Variants in TBXAS1 observed in about 807,000 individuals in gnomAD.
TBXAS1 encodes thromboxane-A synthase.
TBXAS1 carries 48 observed loss-of-function variants against 60.7 expected under a neutral mutation model. The ratio of observed to expected loss-of-function variants is 0.79; its 90% CI spans 0.63 to 1.01. TBXAS1 has a LOEUF of 1.01. Ranked by LOEUF, TBXAS1 falls within the 50% of genes least tolerant of loss-of-function variation. The pLI, the probability that TBXAS1 is intolerant of heterozygous loss-of-function variation, is 0.00. For missense variants in TBXAS1, 685 were observed against 686.3 expected, an observed-to-expected ratio of 1.00 and a Z score of 0.02; for synonymous variants, 287 against 269.7, an observed-to-expected ratio of 1.06 and a Z score of -0.63.
At chr7:139,929,434 A>G (rs1029495255) in intron 4 of TBXAS1, among the ~76,000 whole-genome samples, 2 of 152,172 alleles carry the variant, frequency 1.3e-5, no homozygotes, top group African/African-American at 2.4e-5. Flanking sequence ...GTTTCGTGGG[A>G]AAAATGGCTA....
intron 3 of TBXAS1, among the ~76,000 whole-genome samples, chr7:139,784,143 G>A (rs1241768693): frequency 2.7e-5 from 4 of 148,772 alleles, no homozygotes; most frequent in Non-Finnish European, 4.4e-5. Context: ...CTGCCTGCCT[G>A]CCTGCCTTCC....
intron 4 of TBXAS1, among the ~76,000 whole-genome samples, chr7:139,915,233 T>C (rs183929879): frequency 3.5e-4 from 54 of 152,336 alleles, no homozygotes; most frequent in Non-Finnish European, 6.9e-4. Flanking sequence ...TCAAATTAAA[T>C]TGGGTTCTGT....
In TBXAS1 at chr7:139,875,602, A is replaced by G. The variant is rs762628361; in HGVS notation, c.201A>G (p.Gln67=). The part of the protein sequence containing the change: ...TFFRQGFWES[Q]MELRKLYGPL... ...TCCTTCAGGGTTTTTGGGAAAGCCAAATGGAGCTCAGAAAGCTGTATGGAC... is the reference window on the plus strand; with the variant it reads ...TCCTTCAGGGTTTTTGGGAAAGCCAGATGGAGCTCAGAAAGCTGTATGGAC... The change falls in exon 3 of 13, where the codon CAA becomes CAG. Residue 67 remains glutamine, a synonymous_variant. Transcript: ENST00000448866. 1.2e-6 allele frequency: 2 copies of G among 1,614,118 alleles called. No homozygotes were observed. Among genetic ancestry groups the G allele is most frequent in the African/African-American group, 2.7e-5 (2 of 74,934 alleles).
intron 9 of TBXAS1, among the ~76,000 whole-genome samples, chr7:139,971,186 T>C (rs1478939463): frequency 6.6e-6 from 1 of 152,060 alleles, no homozygotes; most frequent in Non-Finnish European, 1.5e-5. Flanking sequence ...ACCACTAATA[T>C]CAGGGCACTA....
chr7:139,978,775 CAAAA>C (rs35583867), intron 9 of TBXAS1, among the ~76,000 whole-genome samples: 2 of 90,990 alleles, frequency 2.2e-5, no homozygotes, highest in Non-Finnish European at 4.6e-5. Flanking sequence ...CCTGCCTCTA[CAAAA>C]AAAAAAAAAA....
intron 1 of TBXAS1, among the ~76,000 whole-genome samples, chr7:139,869,098 C>G (rs981342951): frequency 6.6e-6 from 1 of 152,162 alleles, no homozygotes; most frequent in Non-Finnish European, 1.5e-5. Flanking sequence ...CACACCCAGA[C>G]CACCAGAAAT....
chr7:139,778,638 G>A lies in TBXAS1; in HGVS notation c.-318+167G>A, dbSNP rs1796866034. Among the ~76,000 whole-genome samples, 1 of 152,118 alleles carries A rather than the reference G, an allele frequency of 6.6e-6. No individual in the cohort carries two copies. Among genetic ancestry groups the A allele is most frequent in the African/African-American group, 2.4e-5 (1 of 41,422 alleles). ...GGGTGGTCGCTGGGTTCCTGCCGGA[G>A]TCTGGCTTCCACGCCACCCTGATCT... On this transcript the variant is annotated intron_variant, in intron 1 of 16. Coordinates refer to the TBXAS1 transcript ENST00000336425. The surrounding 1 kb of genome is among the most constrained non-coding windows in gnomAD (Gnocchi z 4.8).
rs776126423 is a variant in TBXAS1, at chr7:139,951,950, AAAAGAAAG to A, written c.451-1362_451-1355del. On this transcript the variant is annotated intron_variant, in intron 5 of 12. Transcript: ENST00000448866. ...GAAAGAGAGAAAGAAGGAAAGAAAGAAAAGAAAGAAAGAAAGAAAGAAAGAAAGAAAGA... is the reference window on the plus strand; with the variant it reads ...GAAAGAGAGAAAGAAGGAAAGAAAGAAAAGAAAGAAAGAAAGAAAGAAAGA... 9.9e-3 allele frequency among the ~76,000 whole-genome samples: 414 copies of A among 41,958 alleles called. 11 individuals carry two copies. The highest frequency in any genetic ancestry group is 0.019 in the African/African-American group (204 of 11,012). The allele number at this position is 41,958 out of a possible 152,430, so 27.5% of individuals were successfully genotyped here.
chr7:139,803,413 A>T (rs1367818026), intron 4 of TBXAS1, among the ~76,000 whole-genome samples: 1 of 152,206 alleles, frequency 6.6e-6, no homozygotes, highest in Non-Finnish European at 1.5e-5. Flanking sequence ...GCAGAAAAGT[A>T]TTCAAGAGGA....
chr7:139,837,823 C>A (rs1799167824), intron 1 of TBXAS1, among the ~76,000 whole-genome samples: 1 of 151,926 alleles, frequency 6.6e-6, no homozygotes. Flanking sequence ...AATAAAAAAA[C>A]AAAAACAAAA....
intron 1 of TBXAS1, among the ~76,000 whole-genome samples, chr7:139,832,194 G>A (rs757334960): frequency 5.3e-5 from 8 of 152,130 alleles, no homozygotes; most frequent in Non-Finnish European, 8.8e-5. Context: ...GGGAAAGGGA[G>A]ACCCTCCTCT....
chr7:139,908,511 T>C (rs1261344447), intron 3 of TBXAS1, among the ~76,000 whole-genome samples: 1 of 152,200 alleles, frequency 6.6e-6, no homozygotes, highest in Non-Finnish European at 1.5e-5. Context: ...TTAGTTCTTG[T>C]GTAAATACAC....
At chr7:139,957,203 A>C (rs1487653311) in intron 7 of TBXAS1, among the ~76,000 whole-genome samples, 3 of 152,228 alleles carry the variant, frequency 2.0e-5, no homozygotes, top group Non-Finnish European at 2.9e-5. Flanking sequence ...ACAATTATCC[A>C]CTGGAAAGAA....
At chr7:140,018,656 T>C (rs1206063259) in intron 12 of TBXAS1, among the ~76,000 whole-genome samples, 1 of 151,988 alleles carries the variant, frequency 6.6e-6, no homozygotes, top group Non-Finnish European at 1.5e-5. Context: ...CCCTGCAGAG[T>C]AGGAGTGACT....
At chr7:139,876,703 G>A (rs1049784810) in intron 3 of TBXAS1, among the ~76,000 whole-genome samples, 1 of 152,156 alleles carries the variant, frequency 6.6e-6, no homozygotes, top group Non-Finnish European at 1.5e-5. Context: ...GGTTTGCTAC[G>A]TGGTCCTGAA....
chr7:139,912,500 T>C (rs1427320538), intron 4 of TBXAS1, among the ~76,000 whole-genome samples: 1 of 152,198 alleles, frequency 6.6e-6, no homozygotes, highest in Non-Finnish European at 1.5e-5. Context: ...GTATTCATTC[T>C]TTTGTTGATT....
At chr7:139,782,198 A>C (rs1797023543) in intron 2 of TBXAS1, among the ~76,000 whole-genome samples, 1 of 142,806 alleles carries the variant, frequency 7.0e-6, no homozygotes, top group Non-Finnish European at 1.5e-5. Flanking sequence ...TCATTTAAAA[A>C]AATCACTTTT....
chr7:139,867,690 G>A (rs963351234), intron 1 of TBXAS1, among the ~76,000 whole-genome samples: 11 of 152,106 alleles, frequency 7.2e-5, no homozygotes, highest in African/African-American at 1.9e-4. Flanking sequence ...CGTGGTGGGC[G>A]CCTGTAATCC....
At chr7:139,993,371 T>A (rs17161326) in intron 9 of TBXAS1, among the ~76,000 whole-genome samples, 31,581 of 152,074 alleles carry the variant, frequency 0.21, 3,917 homozygotes, top group African/African-American at 0.35. Flanking sequence ...TCAAAAATTC[T>A]AATTGTATTG....
Sources: allele counts gnomAD v4.1 joint callset (sites outside exome capture counted in the v4.1 genomes callset), GRCh38; gene constraint gnomAD v4.1.1; non-coding constraint Gnocchi (gnomAD v3.1); transcripts MANE v1.5; gene names NCBI Gene and HGNC (gene_info 2026-07-23, HGNC 2026-07-21).